Variants in BCAT1 observed in about 807,000 individuals in gnomAD.
BCAT1 encodes the protein branched chain amino acid transaminase 1.
Under a neutral mutation model 52.4 loss-of-function variants are expected in BCAT1, and 48 were observed. That is an observed-to-expected ratio of 0.92 (90% CI 0.73 to 1.16). BCAT1 has a LOEUF of 1.16. Among genes scored for constraint, BCAT1 ranks in the 50% most tolerant of loss-of-function variants. The pLI, the probability that BCAT1 is intolerant of heterozygous loss-of-function variation, is 0.00. For missense variants in BCAT1, 451 were observed against 457.1 expected (o/e 0.99, Z 0.12); for synonymous variants, 167 against 161.3 (o/e 1.04, Z -0.27).
At position 24,878,412 on chromosome 12, in the gene BCAT1, A is replaced by T. The variant is rs116895197; in HGVS notation, c.510+118T>A. ...TCTAATCTTGACAATCAGAAGGAAG[A>T]AGTCATTAATGATGCTACTGGGGGG... On this transcript the variant is annotated intron_variant, in intron 5 of 10. Transcript: ENST00000261192. The T allele has an allele frequency of 4.8e-5, 42 of 871,284 alleles. No individual in the cohort carries two copies. The East Asian group carries it at 1.2e-3, about 26-fold the overall frequency. The allele number at this position is 871,284 out of a possible 1,614,324, so 54.0% of individuals were successfully genotyped here.
chr12:24,830,150 T>C (rs1198636133), intron 9 of BCAT1: 1 of 338,728 alleles, frequency 3.0e-6, no homozygotes, highest in Non-Finnish European at 5.3e-6. Context: ...CTGGTTTGTA[T>C]ACCAGCCTTC....
At chr12:24,917,239 C>T (rs1487275153) in intron 1 of BCAT1, among the ~76,000 whole-genome samples, 1 of 127,642 alleles carries the variant, frequency 7.8e-6, no homozygotes, top group Non-Finnish European at 1.5e-5. Context: ...AGTGCAGTGG[C>T]GCGATCTCGG....
rs556432520 is a variant in BCAT1, at chr12:24,937,120, G to T, written c.6+11807C>A. On this transcript the variant is annotated intron_variant, in intron 1 of 10. Coordinates refer to ENST00000261192, the MANE Select transcript of BCAT1 (RefSeq NM_005504.7). ...GGAAGAGTCAGATATCAATCCCAAAGTCATACAAATAATCACCCCAATACA... is the reference window on the plus strand; with the variant it reads ...GGAAGAGTCAGATATCAATCCCAAATTCATACAAATAATCACCCCAATACA... Among the ~76,000 whole-genome samples the T allele has an allele frequency of 2.0e-5, 3 of 152,288 alleles. No individual in the cohort carries two copies. The South Asian group carries it at 6.2e-4, about 32-fold the overall frequency.
intron 1 of BCAT1, among the ~76,000 whole-genome samples, chr12:24,930,096 A>G (rs1051896150): frequency 4.6e-5 from 7 of 152,200 alleles, no homozygotes; most frequent in Admixed American, 1.3e-4. Flanking sequence ...GCCCTCTCCT[A>G]TGGCAAATGC....
intron 1 of BCAT1, chr12:24,902,873 C>A (rs1490633563): frequency 1.3e-6 from 2 of 1,504,732 alleles, no homozygotes; most frequent in South Asian, 1.2e-5. Flanking sequence ...ACAAGGCGCC[C>A]GGCCAGGCCC....
chr12:24,846,723 T>C (rs1361771161), intron 6 of BCAT1, among the ~76,000 whole-genome samples: 1 of 152,210 alleles, frequency 6.6e-6, no homozygotes, highest in African/African-American at 2.4e-5. Context: ...GCCAACATGA[T>C]GCTCAATTTG....
intron 2 of BCAT1, among the ~76,000 whole-genome samples, chr12:24,898,941 T>C (rs1832356223): frequency 6.6e-6 from 1 of 152,358 alleles, no homozygotes; most frequent in Admixed American, 6.5e-5. Context: ...TAGGTTCTTG[T>C]GCATTATTCT....
At chr12:24,875,410 C>T (rs530056638) in intron 5 of BCAT1, among the ~76,000 whole-genome samples, 1 of 152,122 alleles carries the variant, frequency 6.6e-6, no homozygotes. Flanking sequence ...TAAATAATGT[C>T]GGCTCCCCAA....
intron 1 of BCAT1, 181 bp from the exon 2 acceptor site, chr12:24,902,066 C>CG: frequency 1.3e-6 from 2 of 1,524,140 alleles, no homozygotes; most frequent in Non-Finnish European, 1.8e-6. Flanking sequence ...GTCTTGGGAG[C>CG]GCTGCCCTGC....
At chr12:24,889,509 C>G (rs112880577) in intron 3 of BCAT1, among the ~76,000 whole-genome samples, 32 of 152,284 alleles carry the variant, frequency 2.1e-4, no homozygotes, top group African/African-American at 7.0e-4. Context: ...CTTGGACAGG[C>G]CTTTGTAACC....
chr12:24,886,187 G>A (rs928874129), intron 3 of BCAT1, among the ~76,000 whole-genome samples: 1 of 152,230 alleles, frequency 6.6e-6, no homozygotes, highest in African/African-American at 2.4e-5. Context: ...AGAAGCTGAA[G>A]CGAGAGGATT....
chr12:24,878,570 G>A lies in BCAT1; in HGVS notation c.470C>T (p.Ser157Phe). 1 of 1,612,294 alleles carries A rather than the reference G, an allele frequency of 6.2e-7. No homozygotes were observed. The highest frequency in any genetic ancestry group is 8.5e-7 in the Non-Finnish European group (1 of 1,178,744). ...TGTAGGACGAATATACAGACTAGCA[G>A]ATGTTGAATATGGGACCCATTCTTG... ...LDQEWVPYST[S>F]ASLYIRPTFI... The change falls in exon 5 of 11, where the codon TCT becomes TTT. Residue 157 changes from serine (S) to phenylalanine (F), a missense_variant. Transcript: ENST00000261192.
intron 1 of BCAT1, among the ~76,000 whole-genome samples, chr12:24,926,971 G>T (rs1227427324): frequency 6.6e-6 from 1 of 151,050 alleles, no homozygotes; most frequent in East Asian, 1.9e-4. Context: ...AAAAAAAACT[G>T]CAGACAAATT....
chr12:24,842,234 A>G lies in BCAT1; in HGVS notation c.675-10T>C, dbSNP rs1356288094. The G allele has an allele frequency of 6.2e-7, 1 of 1,612,832 alleles. No homozygotes were observed. Among genetic ancestry groups the G allele is most frequent in the East Asian group, 2.2e-5 (1 of 44,878 alleles). ...AGATGAGCCGTAATTCCTTTAAGAA[A>G]GAGAAAATACACAGGTTACAAACAT... On this transcript the variant is annotated splice_polypyrimidine_tract_variant and intron_variant, in intron 6 of 10. Transcript: ENST00000261192.
At chr12:24,891,858 C>A (rs1323661086) in intron 3 of BCAT1, among the ~76,000 whole-genome samples, 1 of 151,168 alleles carries the variant, frequency 6.6e-6, no homozygotes, top group Non-Finnish European at 1.5e-5. Flanking sequence ...ACGTCATTTT[C>A]CTGCCTCAGC....
intron 1 of BCAT1, among the ~76,000 whole-genome samples, chr12:24,905,476 T>A (rs1165131538): frequency 6.6e-6 from 1 of 152,204 alleles, no homozygotes; most frequent in Non-Finnish European, 1.5e-5. Flanking sequence ...CTATCAGTCA[T>A]CTGTAAAATA....
intron 2 of BCAT1, 34 bp from the exon 3 acceptor site, chr12:24,894,509 A>T (rs1195339644): frequency 6.6e-7 from 1 of 1,525,482 alleles, no homozygotes; most frequent in South Asian, 1.2e-5. Flanking sequence ...TTTACAGAAA[A>T]GCTACTGAGC....
At chr12:24,899,345 A>T (rs1328211471) in intron 2 of BCAT1, among the ~76,000 whole-genome samples, 3 of 152,248 alleles carry the variant, frequency 2.0e-5, no homozygotes. Flanking sequence ...AAGCAACCAC[A>T]GTTAGAATGG....
At chr12:24,895,007 T>C (rs1468374537) in intron 2 of BCAT1, among the ~76,000 whole-genome samples, 4 of 152,218 alleles carry the variant, frequency 2.6e-5, no homozygotes, top group Non-Finnish European at 5.9e-5. Context: ...AAGCAAATGT[T>C]TTCCTCTTTG....
Sources: gnomAD v4.1 joint callset for allele counts (sites outside exome capture counted in the v4.1 genomes callset) on GRCh38, gnomAD v4.1.1 for gene constraint, MANE v1.5 for transcripts, NCBI Gene and HGNC (gene_info 2026-07-23, HGNC 2026-07-21) for gene names.